GABRB2: variants seen among roughly 807,000 people sequenced by gnomAD.
The protein encoded by GABRB2 is gamma-aminobutyric acid type A receptor subunit beta2.
A neutral mutation model predicts 54.7 loss-of-function variants in GABRB2; 16 were observed. That is an observed-to-expected ratio of 0.29 (90% CI 0.20 to 0.44). The LOEUF (loss-of-function observed/expected upper bound fraction) is 0.44. Among genes scored for constraint, GABRB2 ranks in the 20% least tolerant of loss-of-function variants. The pLI is 1.00. For synonymous variants in GABRB2, 244 were observed against 233.8 expected, an observed-to-expected ratio of 1.04 and a Z score of -0.40; for missense variants, 355 against 644.0, an observed-to-expected ratio of 0.55 and a Z score of 4.86.
At chr5:161,518,929 C>T (rs781200991) in intron 3 of GABRB2, among the ~76,000 whole-genome samples, 1 of 152,080 alleles carries the variant, frequency 6.6e-6, no homozygotes, top group Non-Finnish European at 1.5e-5. Context: ...GCTTTTAAAA[C>T]AAATCACTGT....
chr5:161,321,172 CTA>C (rs1219708132), intron 9 of GABRB2, among the ~76,000 whole-genome samples: 1 of 151,952 alleles, frequency 6.6e-6, no homozygotes, highest in Non-Finnish European at 1.5e-5. Context: ...TAATGGTGAT[CTA>C]TGTTATCTAT....
intron 3 of GABRB2, among the ~76,000 whole-genome samples, chr5:161,531,549 T>C (rs1426446944): frequency 2.0e-5 from 3 of 151,942 alleles, no homozygotes; most frequent in Non-Finnish European, 4.4e-5. Flanking sequence ...TCTACAGAGG[T>C]TTAGACTCTA....
chr5:161,434,836 G>A (rs1757265340), intron 4 of GABRB2, among the ~76,000 whole-genome samples: 1 of 152,174 alleles, frequency 6.6e-6, no homozygotes, highest in African/African-American at 2.4e-5. Flanking sequence ...GGCCACAGTG[G>A]CCAATGAAAT....
intron 5 of GABRB2, among the ~76,000 whole-genome samples, chr5:161,347,458 G>T (rs1243377617): frequency 6.6e-6 from 1 of 152,120 alleles, no homozygotes; most frequent in African/African-American, 2.4e-5. Context: ...GCAGCTCCCC[G>T]CATGCAGAGG....
At chr5:161,468,546 C>T (rs1758343854) in intron 3 of GABRB2, among the ~76,000 whole-genome samples, 1 of 152,028 alleles carries the variant, frequency 6.6e-6, no homozygotes, top group African/African-American at 2.4e-5. Context: ...CTAACAATCT[C>T]TGTCACATCC....
chr5:161,366,948 AAAAAG>A (rs763853666), intron 5 of GABRB2, among the ~76,000 whole-genome samples: 4 of 152,316 alleles, frequency 2.6e-5, no homozygotes, highest in African/African-American at 7.2e-5. Context: ...ACTCCATCTC[AAAAAG>A]AAAAGAAAAG....
chr5:161,461,846 C>T (rs888099294), intron 3 of GABRB2, among the ~76,000 whole-genome samples: 5 of 152,014 alleles, frequency 3.3e-5, no homozygotes, highest in Non-Finnish European at 7.4e-5. Flanking sequence ...GTAAGCTATG[C>T]CTAGTGGATT....
intron 9 of GABRB2, among the ~76,000 whole-genome samples, chr5:161,308,878 C>T (rs1757777894): frequency 6.6e-6 from 1 of 152,162 alleles, no homozygotes; most frequent in Admixed American, 6.5e-5. Flanking sequence ...AGATTAAAGA[C>T]TTAAATGTAA....
At chr5:161,330,619 ATAC>A in intron 8 of GABRB2, 1 of 435,916 alleles carries the variant, frequency 2.3e-6, no homozygotes, top group Non-Finnish European at 4.2e-6. Context: ...TATAGGTACT[ATAC>A]TCAATATGTG....
At chr5:161,498,817 G>A (rs1296500579) in intron 3 of GABRB2, among the ~76,000 whole-genome samples, 1 of 152,090 alleles carries the variant, frequency 6.6e-6, no homozygotes, top group Non-Finnish European at 1.5e-5. Context: ...CGTGGCTTCT[G>A]GAATGTGCAC....
At chr5:161,311,473 A>G (rs1161243422) in intron 9 of GABRB2, among the ~76,000 whole-genome samples, 2 of 152,236 alleles carry the variant, frequency 1.3e-5, no homozygotes, top group African/African-American at 4.8e-5. Flanking sequence ...TGAGCAAGTC[A>G]CTGAAATTTC....
At chr5:161,394,913 G>A (rs971218793) in intron 5 of GABRB2, among the ~76,000 whole-genome samples, 1 of 151,970 alleles carries the variant, frequency 6.6e-6, no homozygotes, top group African/African-American at 2.4e-5. Context: ...AAAATAAATA[G>A]GAGTTACAAT....
chr5:161,505,960 G>T (rs1462280704), intron 3 of GABRB2, among the ~76,000 whole-genome samples: 1 of 152,006 alleles, frequency 6.6e-6, no homozygotes, highest in Non-Finnish European at 1.5e-5. Flanking sequence ...TGATAAGTAA[G>T]TAAATAAGTA....
At chr5:161,419,655 C>T (rs1756790706) in intron 4 of GABRB2, among the ~76,000 whole-genome samples, 1 of 152,168 alleles carries the variant, frequency 6.6e-6, no homozygotes, top group African/African-American at 2.4e-5. Flanking sequence ...CTTGTCTTTG[C>T]AGCAACACAG....
chr5:161,324,269 G>C (rs1758301353), intron 9 of GABRB2, among the ~76,000 whole-genome samples: 1 of 152,126 alleles, frequency 6.6e-6, no homozygotes, highest in African/African-American at 2.4e-5. Flanking sequence ...GTGTGGGAGT[G>C]TGCAGGTGAT....
intron 3 of GABRB2, among the ~76,000 whole-genome samples, chr5:161,503,823 G>A (rs1219538727): frequency 6.6e-6 from 1 of 151,668 alleles, no homozygotes; most frequent in East Asian, 1.9e-4. Context: ...CATAAGAGAG[G>A]CATTTTAAAT....
At chr5:161,536,431 C>T (rs1162815226) in intron 3 of GABRB2, among the ~76,000 whole-genome samples, 2 of 152,126 alleles carry the variant, frequency 1.3e-5, no homozygotes, top group Non-Finnish European at 2.9e-5. Context: ...TTTATGCTTC[C>T]TGAGTGAACT....
intron 9 of GABRB2, among the ~76,000 whole-genome samples, chr5:161,322,438 G>A (rs1379097657): frequency 6.6e-6 from 1 of 152,090 alleles, no homozygotes; most frequent in African/African-American, 2.4e-5. Context: ...ATTTTACCAT[G>A]TTGCCCAGGC....
Position 161,457,127 on chromosome 5 carries a change from G to A in GABRB2, c.458+2497C>T, listed in dbSNP as rs192039353. The stretch of plus-strand genomic sequence containing the variant: ...GACATTTATATATTTCCTGATGAAT[G>A]TTCTTATTAATCTTCTCTTCACAAT... On this transcript the variant is annotated intron_variant, in intron 4 of 9. Coordinates refer to ENST00000393959, the MANE Select transcript of GABRB2 (RefSeq NM_001371727.1). Among the ~76,000 whole-genome samples the A allele has an allele frequency of 1.1e-4, 17 of 152,250 alleles. No homozygotes were observed. The East Asian group carries it at 3.3e-3, about 29-fold the overall frequency.
Sources: allele counts gnomAD v4.1 joint callset (sites outside exome capture counted in the v4.1 genomes callset), GRCh38; gene constraint gnomAD v4.1.1; transcripts MANE v1.5; gene names NCBI Gene and HGNC (gene_info 2026-07-23, HGNC 2026-07-21).